The following KNL1 variants were observed in gnomAD, a reference collection of about 807,000 sequenced individuals.
The protein encoded by KNL1 is outer kinetochore KNL1 complex subunit KNL1.
In KNL1, 66 loss-of-function variants were observed where a neutral mutation model predicts 201.3. The ratio of observed to expected loss-of-function variants is 0.33; its 90% CI spans 0.27 to 0.40. The LOEUF is 0.40. KNL1 is among the 10% of genes least tolerant of loss of function. KNL1 has a pLI of 1.00. For missense variants in KNL1, 2,815 were observed against 2,690.5 expected, an observed-to-expected ratio of 1.05 and a Z score of -1.02; for synonymous variants, 895 against 899.2, an observed-to-expected ratio of 1.00 and a Z score of 0.08.
At chr15:40,637,721 G>C (rs1026690358) in intron 13 of KNL1, among the ~76,000 whole-genome samples, 1 of 152,058 alleles carries the variant, frequency 6.6e-6, no homozygotes, top group Admixed American at 6.6e-5. Flanking sequence ...ATATATATAA[G>C]CTTTGTTTCA....
rs1332329105 is a variant in KNL1, at chr15:40,652,093, G to C, written c.6403G>C (p.Glu2135Gln). 1 of 1,611,658 alleles carries C rather than the reference G, an allele frequency of 6.2e-7. No individual in the cohort carries two copies. Among genetic ancestry groups the C allele is most frequent in the African/African-American group, 1.3e-5 (1 of 74,868 alleles). ...CACGATACAACTCACCATCACCTTT[G>C]AAGAGTCAGTTGGTAAGGAGCCAAA... Reference protein sequence around the residue: ...YDTIQLTITFEESVVGFPFLD... With the variant: ...YDTIQLTITFQESVVGFPFLD... The change falls in exon 21 of 26, where the codon GAA becomes CAA. Residue 2135 changes from glutamate (E) to glutamine (Q), a missense_variant. Around this residue, in one of 3 missense-constraint regions of KNL1, gnomAD observed 334 missense variants for 362.6 expected, o/e 0.92. Coordinates refer to ENST00000399668, the MANE Select transcript of KNL1 (RefSeq NM_144508.5).
chr15:40,607,551 T>C (rs1237205174), intron 4 of KNL1, among the ~76,000 whole-genome samples: 1 of 152,166 alleles, frequency 6.6e-6, no homozygotes, highest in Non-Finnish European at 1.5e-5. Flanking sequence ...TGTCTTTTGA[T>C]TATTATTATT....
In KNL1 at chr15:40,624,753, G is replaced by A; in HGVS notation, c.4489G>A (p.Glu1497Lys). 6.2e-7 allele frequency: 1 copy of A among 1,613,776 alleles called. No individual in the cohort carries two copies. Among genetic ancestry groups the A allele is most frequent in the Non-Finnish European group, 8.5e-7 (1 of 1,179,896 alleles). Reference protein sequence around the residue: ...ENKPKILNSEEWFAAACKKEL... With the variant: ...ENKPKILNSEKWFAAACKKEL... ...CAAGCCCAAAATACTCAATAGTGAGGAATGGTTTGCTGCAGCCTGTAAAAA... is the reference window on the plus strand; with the variant it reads ...CAAGCCCAAAATACTCAATAGTGAGAAATGGTTTGCTGCAGCCTGTAAAAA... Residue 1497 changes from glutamate (E) to lysine (K), a missense_variant, in exon 10 of 26, where the codon GAA (glutamate) becomes AAA (lysine). By Grantham distance (56) the Glu-to-Lys change is moderately conservative (BLOSUM62 1). This residue lies in a region of KNL1 where 2,464 missense variants were observed against 2,291.7 expected (regional missense o/e 1.08). Transcript: ENST00000399668.
intron 14 of KNL1, among the ~76,000 whole-genome samples, chr15:40,642,000 C>A (rs1223056302): frequency 6.6e-6 from 1 of 152,132 alleles, no homozygotes; most frequent in African/African-American, 2.4e-5. Context: ...TGGGACTATC[C>A]AACTAAATTT....
intron 1 of KNL1, among the ~76,000 whole-genome samples, chr15:40,596,998 C>T (rs1019466357): frequency 9.8e-4 from 50 of 51,214 alleles, no homozygotes; most frequent in African/African-American, 3.4e-3. Flanking sequence ...GAAACTCCAT[C>T]TCAAAAAAAA....
Position 40,654,983 on chromosome 15 carries a change from T to C in KNL1, c.6484+6T>C. 1 of 1,607,718 alleles carries C rather than the reference T, an allele frequency of 6.2e-7. No homozygotes were observed. The highest frequency in any genetic ancestry group is 8.5e-7 in the Non-Finnish European group (1 of 1,175,020). Reference sequence around the variant, plus strand: ...TTTTCAATCTCTGTTAGATGGTAAGTAGAAAACATTTAAGCCTCTAAAAAT... The same window carrying C: ...TTTTCAATCTCTGTTAGATGGTAAGCAGAAAACATTTAAGCCTCTAAAAAT... On this transcript the variant is annotated splice_donor_region_variant and intron_variant, in intron 22 of 25. Transcript: ENST00000399668.
rs1892500788 is a variant in KNL1 at position 40,620,922 on chromosome 15, A to G, written c.658A>G (p.Lys220Glu). ...TAAAATAGATTTCAATGACTTCATA[A>G]AAAGATTGAAAACAGGAAAATGTAG... The part of the protein sequence containing the change: ...ENKIDFNDFI[K>E]RLKTGKCSAF... Residue 220 changes from lysine (K) to glutamate (E), a missense_variant, in exon 10 of 26, where the codon AAA becomes GAA. Coordinates refer to ENST00000399668, the MANE Select transcript of KNL1 (RefSeq NM_144508.5). The G allele has an allele frequency of 2.5e-6, 4 of 1,600,818 alleles. No homozygotes were observed. The highest frequency in any genetic ancestry group is 1.7e-4 in the Middle Eastern group (1 of 5,990).
intron 2 of KNL1, among the ~76,000 whole-genome samples, chr15:40,604,531 T>C (rs1426472335): frequency 6.6e-6 from 1 of 152,188 alleles, no homozygotes; most frequent in Non-Finnish European, 1.5e-5. Flanking sequence ...ACATATTTTT[T>C]AGTTTTTGAA....
intron 9 of KNL1, 64 bp downstream of exon 9, chr15:40,619,075 A>G (rs1258968510): frequency 9.2e-7 from 1 of 1,092,376 alleles, no homozygotes; most frequent in Admixed American, 1.7e-5. Context: ...AGAAAACACA[A>G]TTCAATGATA....
At chr15:40,649,158 G>C (rs1309209003) in intron 17 of KNL1, among the ~76,000 whole-genome samples, 1 of 150,174 alleles carries the variant, frequency 6.7e-6, no homozygotes, top group Non-Finnish European at 1.5e-5. Context: ...TTTCTCTGTG[G>C]TTGGCTTAAA....
At position 40,659,321 on chromosome 15, in the gene KNL1, G is replaced by T; in HGVS notation, c.6714-18G>T. 6.3e-7 allele frequency: 1 copy of T among 1,585,922 alleles called. No individual in the cohort carries two copies. The highest frequency in any genetic ancestry group is 8.6e-7 in the Non-Finnish European group (1 of 1,167,046). On this transcript the variant is annotated intron_variant, in intron 24 of 25. Coordinates refer to ENST00000399668, the MANE Select transcript of KNL1 (RefSeq NM_144508.5). Reference sequence around the variant, plus strand: ...TATTATTTGTTGCATTTTTAATTGTGGATCTTGTCTTTTACAGATTGAGAC... The same window carrying T: ...TATTATTTGTTGCATTTTTAATTGTTGATCTTGTCTTTTACAGATTGAGAC...
intron 1 of KNL1, among the ~76,000 whole-genome samples, chr15:40,599,793 CTTTT>C (rs55838833): frequency 2.2e-4 from 27 of 120,096 alleles, no homozygotes; most frequent in Non-Finnish European, 2.9e-4. Flanking sequence ...TTATGTATTC[CTTTT>C]TTTTTTTTTT....
intron 13 of KNL1, among the ~76,000 whole-genome samples, chr15:40,638,038 G>A (rs1387368853): frequency 2.0e-5 from 3 of 151,802 alleles, no homozygotes; most frequent in African/African-American, 7.3e-5. Flanking sequence ...AAAATCAGCC[G>A]GGCCTGGCAG....
intron 1 of KNL1, among the ~76,000 whole-genome samples, chr15:40,600,021 A>G (rs1320749620): frequency 6.9e-6 from 1 of 145,818 alleles, no homozygotes; most frequent in Non-Finnish European, 1.5e-5. Flanking sequence ...ACCGTGATAT[A>G]TTATCCTTCT....
rs976961209 is a variant in KNL1, at chr15:40,660,510, C to G, written c.6836+1049C>G. 1.3e-3 allele frequency among the ~76,000 whole-genome samples: 200 copies of G among 151,670 alleles called. 1 individual carries two copies. Among genetic ancestry groups the G allele is most frequent in the African/African-American group, 4.7e-3 (195 of 41,372 alleles). On this transcript the variant is annotated intron_variant, in intron 25 of 25. Coordinates refer to ENST00000399668, the MANE Select transcript of KNL1 (RefSeq NM_144508.5). ...TGAAACCCCGCCTCTACTAAAAATACAAAAAATTAGCCAGGCGTGGCGGTG... is the reference window on the plus strand; with the variant it reads ...TGAAACCCCGCCTCTACTAAAAATAGAAAAAATTAGCCAGGCGTGGCGGTG...
chr15:40,643,080 A>G (rs1005376176), intron 14 of KNL1: 6 of 152,212 alleles, frequency 3.9e-5, no homozygotes, highest in African/African-American at 1.4e-4. Flanking sequence ...CCATTTATTA[A>G]CAAAAGACTA....
chr15:40,637,135 C>G lies in KNL1; in HGVS notation c.5683-3777C>G, dbSNP rs192228411. ...TGAAATCTCTCTCTAGTCTTATAAT[C>G]TATAAGGTCCTTTTCCATCTCTCTT... On this transcript the variant is annotated intron_variant, in intron 13 of 25. Transcript: ENST00000399668. Among the ~76,000 whole-genome samples the G allele has an allele frequency of 2.5e-4, 37 of 149,572 alleles. No individual in the cohort carries two copies. In the East Asian group the frequency reaches 7.1e-3, roughly 29 times the overall value.
At chr15:40,618,933 T>C (rs371097879) in intron 8 of KNL1, 26 bp from the exon 9 acceptor site, 2 of 1,521,916 alleles carry the variant, frequency 1.3e-6, no homozygotes, top group South Asian at 2.3e-5. Context: ...ATTTTCTGAC[T>C]ACAGTTTTTT....
chr15:40,594,700 CGTCCTCT>C (rs950766002), intron 1 of KNL1, among the ~76,000 whole-genome samples: 2 of 152,180 alleles, frequency 1.3e-5, no homozygotes, highest in Non-Finnish European at 2.9e-5. Context: ...CCCGCCCTGC[CGTCCTCT>C]GTCAGGGCTC....
Sources: allele counts gnomAD v4.1 joint callset (sites outside exome capture counted in the v4.1 genomes callset), GRCh38; gene constraint gnomAD v4.1.1; regional missense constraint gnomAD v4.1.1; transcripts MANE v1.5; gene names NCBI Gene and HGNC (gene_info 2026-07-23, HGNC 2026-07-21).